Variants in INTS12 observed in about 807,000 individuals in gnomAD.
INTS12 encodes the protein PHD finger protein 22.
Under a neutral mutation model 41.6 loss-of-function variants are expected in INTS12, and 13 were observed. That is an observed-to-expected ratio of 0.31 (90% CI 0.20 to 0.50). INTS12 has a LOEUF of 0.50. Ranked by LOEUF, INTS12 falls within the 20% of genes least tolerant of loss-of-function variation. The probability of loss-of-function intolerance (pLI) is 0.98; values close to 1 mark genes in which losing one functional copy is unlikely to be tolerated. For missense variants in INTS12, 432 were observed against 541.6 expected (o/e 0.80, Z 2.01); for synonymous variants, 199 against 191.4 (o/e 1.04, Z -0.33).
At chr4:105,694,968 A>G (rs1308982397) in intron 4 of INTS12, among the ~76,000 whole-genome samples, 1 of 151,826 alleles carries the variant, frequency 6.6e-6, no homozygotes, top group Non-Finnish European at 1.5e-5. Context: ...TCTGTCACCC[A>G]GGCTGGAGTG....
At chr4:105,694,933 C>CT (rs528497297) in intron 4 of INTS12, among the ~76,000 whole-genome samples, 62 of 150,416 alleles carry the variant, frequency 4.1e-4, no homozygotes, top group South Asian at 4.0e-3. Context: ...TCTTGCTTTC[C>CT]TTTTTTTTTG....
intron 7 of INTS12, among the ~76,000 whole-genome samples, chr4:105,685,680 T>TC (rs1338530810): frequency 6.6e-6 from 1 of 152,168 alleles, no homozygotes; most frequent in Non-Finnish European, 1.5e-5. Context: ...TAATATTTTT[T>TC]CTTCCATATT....
Position 105,708,406 on chromosome 4 carries a change from C to T in INTS12, c.-172+232G>A, listed in dbSNP as rs1043347025. Reference sequence around the variant, plus strand: ...GATTCCAAGTCCCTTGTCCCTAGACCTAGAAATATGCTCGGTCCGCATGTC... The same window carrying T: ...GATTCCAAGTCCCTTGTCCCTAGACTTAGAAATATGCTCGGTCCGCATGTC... On this transcript the variant is annotated intron_variant, in intron 1 of 7. Transcript: ENST00000340139. 11 of 985,392 alleles carry T rather than the reference C, an allele frequency of 1.1e-5. No individual in the cohort carries two copies. In the African/African-American group the frequency reaches 1.4e-4, roughly 13 times the overall value. 61.0% of individuals were successfully genotyped at this position (985,392 alleles called of 1,614,324 possible). A position where few individuals can be genotyped will look rare whatever the true frequency, so the allele number is the denominator to read the frequency against.
chr4:105,693,870 A>G (rs559528079), intron 4 of INTS12, among the ~76,000 whole-genome samples: 1 of 136,450 alleles, frequency 7.3e-6, no homozygotes, highest in African/African-American at 2.6e-5. Flanking sequence ...AAATATTATC[A>G]ATATACCCAT....
chr4:105,696,394 T>A lies in INTS12; in HGVS notation c.157-726A>T, dbSNP rs76024642. ...AAAAATATGTCTCCCATCATCATCATCACTTATCTGTTTTCTGTAACAATA... is the reference window on the plus strand; with the variant it reads ...AAAAATATGTCTCCCATCATCATCAACACTTATCTGTTTTCTGTAACAATA... On this transcript the variant is annotated intron_variant, in intron 3 of 7. Transcript: ENST00000340139. Among the ~76,000 whole-genome samples the A allele has an allele frequency of 6.0e-3, 907 of 152,298 alleles. 21 individuals are homozygous for A. In the East Asian group the frequency reaches 0.067, roughly 11 times the overall value.
At chr4:105,687,150 T>C in intron 6 of INTS12, 1 of 295,322 alleles carries the variant, frequency 3.4e-6, no homozygotes, top group Non-Finnish European at 6.4e-6. Flanking sequence ...ATGTAACCGT[T>C]AGCTTTACTC....
At position 105,703,690 on chromosome 4, in the gene INTS12, C is replaced by A. The variant is rs1732164655; in HGVS notation, c.-52G>T. 6.6e-6 allele frequency: 1 copy of A among 152,234 alleles called. No individual in the cohort carries two copies. Among genetic ancestry groups the A allele is most frequent in the African/African-American group, 2.4e-5 (1 of 41,442 alleles). The allele number at this position is 152,234 out of a possible 1,614,324, so 9.4% of individuals were successfully genotyped here. A position where few individuals can be genotyped will look rare whatever the true frequency, so the allele number is the denominator to read the frequency against. ...ACCATTCTCAGCTTGGCGTTCAGTA[C>A]AACTTGGCAATTCTCTCATCCTTCT... is the stretch of plus-strand genomic sequence containing the variant. On this transcript the variant is annotated 5_prime_UTR_variant, in exon 2 of 8. Transcript: ENST00000340139.
intron 6 of INTS12, among the ~76,000 whole-genome samples, 188 bp downstream of exon 6, chr4:105,691,788 C>T (rs535307019): frequency 1.7e-4 from 26 of 152,212 alleles, no homozygotes; most frequent in Non-Finnish European, 3.7e-4. Context: ...GAGAAAAATG[C>T]ACATAACATG....
intron 4 of INTS12, 96 bp downstream of exon 4, chr4:105,695,420 T>C: frequency 1.2e-6 from 1 of 857,856 alleles, no homozygotes; most frequent in South Asian, 1.8e-5. Context: ...CCTATACCCA[T>C]TATTATATAA....
chr4:105,698,528 T>C (rs541011071), intron 3 of INTS12, among the ~76,000 whole-genome samples: 2 of 151,432 alleles, frequency 1.3e-5, no homozygotes, highest in East Asian at 3.9e-4. Flanking sequence ...AGAGATAAAC[T>C]TCCATTTTAG....
At chr4:105,707,616 C>T (rs1225876223) in intron 1 of INTS12, among the ~76,000 whole-genome samples, 2 of 152,134 alleles carry the variant, frequency 1.3e-5, no homozygotes, top group South Asian at 2.1e-4. Context: ...ACCTCTTTCA[C>T]GACTGGGGAC....
chr4:105,698,815 G>T (rs1731961129), intron 3 of INTS12, among the ~76,000 whole-genome samples: 1 of 152,196 alleles, frequency 6.6e-6, no homozygotes, highest in African/African-American at 2.4e-5. Flanking sequence ...TGGGCTCTGA[G>T]CCTGGGACTA....
chr4:105,688,618 G>A (rs1025652799), intron 6 of INTS12, among the ~76,000 whole-genome samples: 8 of 152,144 alleles, frequency 5.3e-5, no homozygotes, highest in African/African-American at 1.7e-4. Context: ...ACCATGTTAC[G>A]AGAATGCATC....
chr4:105,688,388 G>T (rs1474405199), intron 6 of INTS12, among the ~76,000 whole-genome samples: 4 of 151,886 alleles, frequency 2.6e-5, no homozygotes, highest in Non-Finnish European at 5.9e-5. Flanking sequence ...TGTAATCTTG[G>T]GCTACTGTTT....
At chr4:105,683,388 T>C in intron 7 of INTS12, 71 bp from the exon 8 acceptor site, 2 of 1,143,242 alleles carry the variant, frequency 1.7e-6, no homozygotes, top group South Asian at 1.7e-5. Flanking sequence ...TCCCAAGTTA[T>C]GAATTGGGAA....
At chr4:105,696,870 C>G (rs1024212909) in intron 3 of INTS12, among the ~76,000 whole-genome samples, 7 of 152,146 alleles carry the variant, frequency 4.6e-5, no homozygotes, top group Non-Finnish European at 1.0e-4. Flanking sequence ...TATGGCTACT[C>G]TTTTTAAATT....
At chr4:105,700,715 A>ACACACACACACACACACACACG (rs1406976470) in intron 2 of INTS12, among the ~76,000 whole-genome samples, 2 of 150,362 alleles carry the variant, frequency 1.3e-5, no homozygotes, top group Non-Finnish European at 3.0e-5. Context: ...AAACACACAC[A>ACACACACACACACACACACACG]CACACACACA....
intron 1 of INTS12, among the ~76,000 whole-genome samples, chr4:105,707,539 A>G (rs1732330835): frequency 1.3e-5 from 2 of 152,204 alleles, no homozygotes; most frequent in Non-Finnish European, 2.9e-5. Context: ...CAAAAATCAC[A>G]AAAGTAACTC....
At chr4:105,691,899 C>G (rs1731700360) in intron 6 of INTS12, 77 bp downstream of exon 6, 1 of 1,063,936 alleles carries the variant, frequency 9.4e-7, no homozygotes, top group Non-Finnish European at 1.3e-6. Flanking sequence ...CTTAAATATT[C>G]AAATCTTTGT....
Sources: allele counts gnomAD v4.1 joint callset (sites outside exome capture counted in the v4.1 genomes callset), GRCh38; gene constraint gnomAD v4.1.1; transcripts MANE v1.5; gene names NCBI Gene and HGNC (gene_info 2026-07-23, HGNC 2026-07-21).